Variants in PAWR observed in about 807,000 individuals in gnomAD.
PAWR encodes the protein pro-apoptotic WT1 regulator, also known as PRKC apoptosis WT1 regulator protein.
A neutral mutation model predicts 32.0 loss-of-function variants in PAWR; 23 were observed. That is an observed-to-expected ratio of 0.72 (90% CI 0.52 to 1.02). The LOEUF is 1.02. Among genes scored for constraint, PAWR ranks in the 50% least tolerant of loss-of-function variants. The pLI, the probability that PAWR is intolerant of heterozygous loss-of-function variation, is 0.00. For missense variants in PAWR, 457 were observed against 437.7 expected, an observed-to-expected ratio of 1.04 and a Z score of -0.39; for synonymous variants, 226 against 187.1, an observed-to-expected ratio of 1.21 and a Z score of -1.70.
chr12:79,636,735 A>T (rs1875976990), intron 2 of PAWR, among the ~76,000 whole-genome samples: 1 of 152,160 alleles, frequency 6.6e-6, no homozygotes, highest in African/African-American at 2.4e-5. Flanking sequence ...AAATATTTAC[A>T]ACCGTTCGTA....
intron 2 of PAWR, among the ~76,000 whole-genome samples, chr12:79,674,648 A>T (rs557014011): frequency 6.6e-6 from 1 of 152,296 alleles, no homozygotes; most frequent in Non-Finnish European, 1.5e-5. Flanking sequence ...AATATTTGCA[A>T]ATTATGCATC....
At chr12:79,659,617 T>C (rs1038727896) in intron 2 of PAWR, among the ~76,000 whole-genome samples, 1 of 152,212 alleles carries the variant, frequency 6.6e-6, no homozygotes, top group African/African-American at 2.4e-5. Flanking sequence ...ATTTTACAAC[T>C]ATGCACATTT....
intron 3 of PAWR, among the ~76,000 whole-genome samples, chr12:79,616,437 A>C (rs1184834555): frequency 6.6e-6 from 1 of 152,230 alleles, no homozygotes; most frequent in Non-Finnish European, 1.5e-5. Context: ...TTGTATGAAT[A>C]ACTTGGCAAC....
At chr12:79,688,915 G>C (rs1265759500) in intron 2 of PAWR, among the ~76,000 whole-genome samples, 1 of 152,192 alleles carries the variant, frequency 6.6e-6, no homozygotes, top group Non-Finnish European at 1.5e-5. Context: ...GTTTCTGGTA[G>C]AGGGAGGTGT....
At position 79,613,557 on chromosome 12, in the gene PAWR, A is replaced by G. The variant is rs1394591383; in HGVS notation, c.683+18T>C. 1.4e-6 allele frequency: 2 copies of G among 1,403,300 alleles called. No homozygotes were observed. Among genetic ancestry groups the G allele is most frequent in the Admixed American group, 3.4e-5 (2 of 58,326 alleles). 86.9% of individuals were successfully genotyped at this position (1,403,300 alleles called of 1,614,324 possible). A position where few individuals can be genotyped will look rare whatever the true frequency, so the allele number is the denominator to read the frequency against. On this transcript the variant is annotated intron_variant, in intron 4 of 6. Coordinates refer to ENST00000328827, the MANE Select transcript of PAWR (RefSeq NM_002583.4). ...TACATTCATGTCTACAATATGTTTA[A>G]GTCATAAGGATTCTTACCTTTTATA...
chr12:79,652,515 C>T (rs1008826013), intron 2 of PAWR, among the ~76,000 whole-genome samples: 1 of 152,136 alleles, frequency 6.6e-6, no homozygotes, highest in Non-Finnish European at 1.5e-5. Context: ...ATTTGTAATT[C>T]TGAAGGGAAT....
rs1374504621 is a variant in PAWR, at chr12:79,690,187, G to A, written c.58C>T (p.Leu20=). 1 of 1,533,206 alleles carries A rather than the reference G, an allele frequency of 6.5e-7. No homozygotes were observed. The allele number at this position is 1,533,206 out of a possible 1,614,324, so 95.0% of individuals were successfully genotyped here. Residue 20 remains leucine, a synonymous_variant, in exon 2 of 7, where the codon CTG becomes TTG. Coordinates refer to ENST00000328827, the MANE Select transcript of PAWR (RefSeq NM_002583.4). Reference sequence around the variant, plus strand: ...TCGCGTTTCGCCTTCCACTCCTCCAGGAAGTCTGTGGTGCTGCCGCCGAGG... The same window carrying A: ...TCGCGTTTCGCCTTCCACTCCTCCAAGAAGTCTGTGGTGCTGCCGCCGAGG... The part of the protein sequence containing the change: ...SGLGGSTTDF[L]EEWKAKREKM...
At chr12:79,659,789 T>G (rs1877262229) in intron 2 of PAWR, among the ~76,000 whole-genome samples, 2 of 152,210 alleles carry the variant, frequency 1.3e-5, no homozygotes, top group African/African-American at 4.8e-5. Context: ...GGAAAATATT[T>G]TGTCTGTTGC....
At chr12:79,603,491 A>G (rs746247796) in intron 4 of PAWR, among the ~76,000 whole-genome samples, 8 of 152,102 alleles carry the variant, frequency 5.3e-5, no homozygotes, top group Non-Finnish European at 1.0e-4. Context: ...TTTTAGGTAG[A>G]AACTATAATG....
In PAWR at chr12:79,587,550, T is replaced by G. The variant is rs1289257454; in HGVS notation, c.*5057A>C. 1 of 152,020 alleles carries G rather than the reference T, an allele frequency of 6.6e-6. No homozygotes were observed. The allele number at this position is 152,020 out of a possible 1,614,324, so 9.4% of individuals were successfully genotyped here. Reference sequence around the variant, plus strand: ...AATTTTCAGTCAGGCTGAACTTTTGTGCACTTCCTCATTTATTCGAGAAAC... The same window carrying G: ...AATTTTCAGTCAGGCTGAACTTTTGGGCACTTCCTCATTTATTCGAGAAAC... On this transcript the variant is annotated 3_prime_UTR_variant, in exon 7 of 7. Transcript: ENST00000328827.
chr12:79,613,460 C>T (rs969786176), intron 4 of PAWR, 115 bp downstream of exon 4: 1 of 512,474 alleles, frequency 2.0e-6, no homozygotes, highest in Non-Finnish European at 3.5e-6. Context: ...TTTAAGAGCA[C>T]AGTAGAAAAG....
intron 2 of PAWR, among the ~76,000 whole-genome samples, chr12:79,644,819 C>T (rs1876493494): frequency 6.6e-6 from 1 of 152,048 alleles, no homozygotes; most frequent in Non-Finnish European, 1.5e-5. Flanking sequence ...AGTTTCCAAA[C>T]AACACATCAA....
chr12:79,631,782 T>A (rs1219481127), intron 2 of PAWR, among the ~76,000 whole-genome samples: 3 of 152,126 alleles, frequency 2.0e-5, no homozygotes, highest in Non-Finnish European at 4.4e-5. Flanking sequence ...TCAAACTGAT[T>A]CAAAATTTAA....
chr12:79,652,771 C>T (rs1239433203), intron 2 of PAWR, among the ~76,000 whole-genome samples: 4 of 152,094 alleles, frequency 2.6e-5, no homozygotes, highest in Non-Finnish European at 5.9e-5. Flanking sequence ...GGCTTATAAG[C>T]AAAGAATTGG....
At position 79,600,014 on chromosome 12, in the gene PAWR, C is replaced by T. The variant is rs532452362; in HGVS notation, c.684-3356G>A. ...TTGTACATGTCATGCCTGCAACTAC[C>T]AATTAAATTTTGATCATTTTATATT... On this transcript the variant is annotated intron_variant, in intron 4 of 6. Transcript: ENST00000328827. Among the ~76,000 whole-genome samples the T allele has an allele frequency of 1.6e-4, 24 of 152,110 alleles. 1 individual carries two copies. The highest frequency in any genetic ancestry group is 3.4e-4 in the Non-Finnish European group (23 of 68,010).
chr12:79,671,811 T>C (rs955300049), intron 2 of PAWR, among the ~76,000 whole-genome samples: 1 of 152,148 alleles, frequency 6.6e-6, no homozygotes, highest in Non-Finnish European at 1.5e-5. Flanking sequence ...TGTGCACCTG[T>C]AGTCCTAGTT....
At chr12:79,652,116 T>C (rs1876878683) in intron 2 of PAWR, among the ~76,000 whole-genome samples, 1 of 152,182 alleles carries the variant, frequency 6.6e-6, no homozygotes, top group Admixed American at 6.5e-5. Context: ...TATTGTTTAC[T>C]AGATACGTAG....
intron 3 of PAWR, among the ~76,000 whole-genome samples, chr12:79,613,978 T>C (rs1874597627): frequency 1.1e-4 from 1 of 9,296 alleles, no homozygotes; most frequent in Admixed American, 1.7e-3. Context: ...TATATATATA[T>C]ATTTTTTTTT....
In PAWR at chr12:79,591,047, A is replaced by G. The variant is rs772681839; in HGVS notation, c.*1560T>C. On this transcript the variant is annotated 3_prime_UTR_variant, in exon 7 of 7. Transcript: ENST00000328827. The stretch of plus-strand genomic sequence containing the variant: ...GCTGCTTCAAAAGTAGACTATGATC[A>G]GAAACCTCAGATGGTAACCTTTAAA... The G allele has an allele frequency of 2.6e-5, 4 of 152,234 alleles. No individual in the cohort carries two copies. The highest frequency in any genetic ancestry group is 5.9e-5 in the Non-Finnish European group (4 of 68,044). The allele number at this position is 152,234 out of a possible 1,614,324, so 9.4% of individuals were successfully genotyped here. A position where few individuals can be genotyped will look rare whatever the true frequency, so the allele number is the denominator to read the frequency against.
Sources: allele counts gnomAD v4.1 joint callset (sites outside exome capture counted in the v4.1 genomes callset), GRCh38; gene constraint gnomAD v4.1.1; transcripts MANE v1.5; gene names NCBI Gene and HGNC (gene_info 2026-07-23, HGNC 2026-07-21).